The following DHRSX variants were observed in gnomAD, a reference collection of about 807,000 sequenced individuals.
The protein encoded by DHRSX is dehydrogenase/reductase X-linked.
In DHRSX, 31 loss-of-function variants were observed where a neutral mutation model predicts 34.0. The ratio of observed to expected loss-of-function variants is 0.91; its 90% confidence interval spans 0.69 to 1.23. The LOEUF (loss-of-function observed/expected upper bound fraction) is 1.23. DHRSX is among the 50% of genes most tolerant of loss of function. The probability of loss-of-function intolerance (pLI) is 0.00; values close to 1 mark genes in which losing one functional copy is unlikely to be tolerated. For synonymous variants in DHRSX, 201 were observed against 183.8 expected (o/e 1.09, Z -0.76); for missense variants, 414 against 428.1 (o/e 0.97, Z 0.29).
chrX:2,294,733 A>C (rs917543106), intron 3 of DHRSX, among the ~76,000 whole-genome samples: 1 of 151,564 alleles, frequency 6.6e-6, no homozygotes, highest in Non-Finnish European at 1.5e-5. Context: ...ACAGAGAGAA[A>C]TAGAGAAAAG....
intron 1 of DHRSX, among the ~76,000 whole-genome samples, chrX:2,439,537 T>G (rs1349621409): frequency 1.3e-5 from 2 of 152,176 alleles, no homozygotes; most frequent in Non-Finnish European, 2.9e-5. Flanking sequence ...TGCATTCTAT[T>G]TATCATGCAC....
chrX:2,284,925 C>T (rs983273830), intron 4 of DHRSX, among the ~76,000 whole-genome samples: 27 of 152,128 alleles, frequency 1.8e-4, no homozygotes, highest in African/African-American at 4.8e-4. Context: ...AAGAAAAGCA[C>T]GAAGTGTAGC....
intron 3 of DHRSX, among the ~76,000 whole-genome samples, chrX:2,397,969 AACAGGCTGATCT>A (rs1569497137): frequency 1.2e-4 from 18 of 147,704 alleles, no homozygotes; most frequent in African/African-American, 4.1e-4. Flanking sequence ...TACATATGCC[AACAGGCTGATCT>A]CACACACATA....
intron 3 of DHRSX, among the ~76,000 whole-genome samples, chrX:2,333,140 C>T (rs1479595985): frequency 6.6e-6 from 1 of 152,072 alleles, no homozygotes; most frequent in Non-Finnish European, 1.5e-5. Flanking sequence ...TTTACATTCA[C>T]GATGGGTAAA....
intron 1 of DHRSX, among the ~76,000 whole-genome samples, chrX:2,427,520 G>A (rs1483778512): frequency 2.0e-5 from 3 of 152,176 alleles, no homozygotes; most frequent in Middle Eastern, 3.2e-3. Context: ...GAGAGGTGCT[G>A]GATTCAGAAT....
intron 5 of DHRSX, among the ~76,000 whole-genome samples, chrX:2,248,491 T>C (rs2016351994): frequency 6.8e-6 from 1 of 147,710 alleles, no homozygotes; most frequent in Non-Finnish European, 1.5e-5. Flanking sequence ...CGGGCACCTG[T>C]AGTCCCAGCT....
chrX:2,317,640 A>G (rs375615072), intron 3 of DHRSX, among the ~76,000 whole-genome samples: 4 of 134,376 alleles, frequency 3.0e-5, no homozygotes, highest in Admixed American at 7.6e-5. Context: ...AAAAAAAAAG[A>G]AGGAGAGTAG....
intron 3 of DHRSX, among the ~76,000 whole-genome samples, chrX:2,342,457 G>A (rs1259083500): frequency 2.0e-5 from 3 of 152,050 alleles, no homozygotes; most frequent in East Asian, 1.9e-4. Flanking sequence ...CCATGAGTTC[G>A]ACGGTGCCCA....
intron 3 of DHRSX, among the ~76,000 whole-genome samples, chrX:2,298,601 TACACACACAC>T (rs747078260): frequency 2.2e-3 from 289 of 131,802 alleles, no homozygotes; most frequent in South Asian, 5.2e-3. Flanking sequence ...GGCGCGTGTG[TACACACACAC>T]ACACACACAC....
chrX:2,489,063 A>G (rs766758532), intron 1 of DHRSX: 1 of 1,613,898 alleles, frequency 6.2e-7, no homozygotes, highest in Non-Finnish European at 8.5e-7. Context: ...CCTGTCTGGC[A>G]GAAGATCTCG....
At chrX:2,385,490 G>T (rs1232387269) in intron 3 of DHRSX, among the ~76,000 whole-genome samples, 6 of 150,774 alleles carry the variant, frequency 4.0e-5, no homozygotes, top group African/African-American at 1.4e-4. Context: ...ATCTCAGGGT[G>T]CTGGCAGCCA....
intron 1 of DHRSX, among the ~76,000 whole-genome samples, chrX:2,480,674 C>A (rs1213715065): frequency 6.6e-6 from 1 of 151,914 alleles, no homozygotes; most frequent in East Asian, 1.9e-4. Flanking sequence ...AAAAAATTAA[C>A]CAGGTGTGGT....
intron 6 of DHRSX, among the ~76,000 whole-genome samples, chrX:2,229,446 G>T (rs1476768847): frequency 3.9e-5 from 6 of 152,000 alleles, no homozygotes; most frequent in Non-Finnish European, 5.9e-5. Context: ...CCTGCCTCTT[G>T]CCTCTCTGTA....
intron 3 of DHRSX, among the ~76,000 whole-genome samples, chrX:2,400,078 C>T (rs1383573401): frequency 2.0e-5 from 3 of 152,116 alleles, no homozygotes; most frequent in African/African-American, 7.2e-5. Flanking sequence ...TGAATATATG[C>T]TGAACCAGAA....
At position 2,377,539 on chromosome X, in the gene DHRSX, T is replaced by G. The variant is rs186962746; in HGVS notation, c.286+31206A>C. Among the ~76,000 whole-genome samples the G allele has an allele frequency of 8.7e-3, 1,327 of 152,122 alleles. 32 individuals are homozygous for G. In the East Asian group the frequency reaches 0.092, roughly 11 times the overall value. Reference sequence around the variant, plus strand: ...AGTGGGAAGTGGCTGTGAACACACATGAAGCTTTGCTCAGTACCAGTCCAC... The same window carrying G: ...AGTGGGAAGTGGCTGTGAACACACAGGAAGCTTTGCTCAGTACCAGTCCAC... On this transcript the variant is annotated intron_variant, in intron 3 of 6. Coordinates refer to ENST00000334651, the MANE Select transcript of DHRSX (RefSeq NM_145177.3).
intron 4 of DHRSX, among the ~76,000 whole-genome samples, chrX:2,276,418 CG>C (rs2041649495): frequency 6.6e-6 from 1 of 152,044 alleles, no homozygotes; most frequent in Non-Finnish European, 1.5e-5. Context: ...ATCTGCGAAT[CG>C]AAAGGTGGAA....
chrX:2,271,653 CAT>C (rs1370527197), intron 4 of DHRSX, among the ~76,000 whole-genome samples: 2 of 152,136 alleles, frequency 1.3e-5, no homozygotes, highest in Non-Finnish European at 2.9e-5. Context: ...TCACAAGACA[CAT>C]GTGTATTAAA....
intron 3 of DHRSX, among the ~76,000 whole-genome samples, chrX:2,356,350 G>A (rs1194693388): frequency 6.6e-6 from 1 of 152,196 alleles, no homozygotes; most frequent in African/African-American, 2.4e-5. Context: ...ACTCCAGCCT[G>A]GGTGACAAAG....
intron 3 of DHRSX, among the ~76,000 whole-genome samples, chrX:2,372,914 G>T (rs2043092996): frequency 6.6e-6 from 1 of 151,978 alleles, no homozygotes; most frequent in Non-Finnish European, 1.5e-5. Context: ...GCCTGGCTGG[G>T]GGTTGGTATT....
Sources: allele counts gnomAD v4.1 joint callset (sites outside exome capture counted in the v4.1 genomes callset), GRCh38; gene constraint gnomAD v4.1.1; transcripts MANE v1.5; gene names NCBI Gene and HGNC (gene_info 2026-07-23, HGNC 2026-07-21).